LDLRAD3: variants seen among roughly 807,000 people sequenced by gnomAD.
LDLRAD3 encodes low-density lipoprotein receptor class A domain-containing protein 3.
In LDLRAD3, 20 loss-of-function variants were observed where a neutral mutation model predicts 29.4. That is an observed-to-expected ratio of 0.68 (90% CI 0.48 to 0.99). The LOEUF is 0.99. LDLRAD3 is among the 50% of genes least tolerant of loss of function. The probability of loss-of-function intolerance (pLI) is 0.00; values close to 1 mark genes in which losing one functional copy is unlikely to be tolerated. For synonymous variants in LDLRAD3, 157 were observed against 192.7 expected (o/e 0.81, Z 1.53); for missense variants, 420 against 454.3 (o/e 0.92, Z 0.69).
chr11:36,172,847 G>A (rs958235066), intron 4 of LDLRAD3, among the ~76,000 whole-genome samples: 1 of 152,160 alleles, frequency 6.6e-6, no homozygotes, highest in African/African-American at 2.4e-5. Flanking sequence ...TTCATAGAAA[G>A]ATTTAGGGAG....
intron 4 of LDLRAD3, among the ~76,000 whole-genome samples, chr11:36,203,568 A>G (rs1030007249): frequency 5.3e-5 from 8 of 152,180 alleles, no homozygotes; most frequent in African/African-American, 1.9e-4. Context: ...AATTTTGCTC[A>G]CTGGTGGTAA....
At chr11:36,169,031 T>G (rs1191257743) in intron 4 of LDLRAD3, among the ~76,000 whole-genome samples, 2 of 152,186 alleles carry the variant, frequency 1.3e-5, no homozygotes, top group African/African-American at 4.8e-5. Flanking sequence ...GTCACCCTGC[T>G]TTTTTACTCT....
intron 4 of LDLRAD3, among the ~76,000 whole-genome samples, chr11:36,144,417 G>T (rs1471722281): frequency 6.9e-6 from 1 of 145,620 alleles, no homozygotes; most frequent in Admixed American, 6.8e-5. Context: ...GAGCCTCTCT[G>T]CCTGGCTGCC....
At position 36,110,109 on chromosome 11, in the gene LDLRAD3, T is replaced by C. The variant is rs539217461; in HGVS notation, c.454+11648T>C. 3.9e-5 allele frequency: 6 copies of C among 152,332 alleles called. 1 individual carries two copies. Among genetic ancestry groups the C allele is most frequent in the African/African-American group, 1.4e-4 (6 of 41,592 alleles). The allele number at this position is 152,332 out of a possible 1,614,324, so 9.4% of individuals were successfully genotyped here. A position where few individuals can be genotyped will look rare whatever the true frequency, so the allele number is the denominator to read the frequency against. On this transcript the variant is annotated intron_variant, in intron 4 of 5. Transcript: ENST00000315571. ...TTTGTGTACAGGTGGGGTTTTCTTC[T>C]TAGTAATAGAGTGTTTGCATGACAA...
intron 1 of LDLRAD3, among the ~76,000 whole-genome samples, chr11:35,988,038 G>A (rs1851636676): frequency 6.6e-6 from 1 of 151,930 alleles, no homozygotes; most frequent in Non-Finnish European, 1.5e-5. Context: ...ATGTTTCTTG[G>A]CCACTTGTAT....
chr11:36,142,589 C>G (rs1784441318), intron 4 of LDLRAD3, among the ~76,000 whole-genome samples: 2 of 152,094 alleles, frequency 1.3e-5, no homozygotes, highest in African/African-American at 4.8e-5. Context: ...GGTTCCCGCC[C>G]CCGCCTCCTG....
chr11:36,113,337 A>T (rs76274053), intron 4 of LDLRAD3, among the ~76,000 whole-genome samples: 5,212 of 152,244 alleles, frequency 0.034, 344 homozygotes, highest in East Asian at 0.32. Flanking sequence ...TTAGGCCAAC[A>T]GGGAGCTCTC....
intron 2 of LDLRAD3, among the ~76,000 whole-genome samples, chr11:36,066,671 A>G (rs933920919): frequency 7.2e-5 from 11 of 152,214 alleles, no homozygotes; most frequent in African/African-American, 2.7e-4. Context: ...TCTTCGTAAT[A>G]AAAGTACTTT....
At chr11:36,098,067 A>G (rs1344662640) in intron 3 of LDLRAD3, among the ~76,000 whole-genome samples, 4 of 152,218 alleles carry the variant, frequency 2.6e-5, no homozygotes, top group Admixed American at 6.5e-5. Context: ...AAAGGCATCA[A>G]TATTCAGTTA....
In LDLRAD3 at chr11:36,066,160, CT is replaced by C. The variant is rs536834475; in HGVS notation, c.194-15479del. On this transcript the variant is annotated intron_variant, in intron 2 of 5. Transcript: ENST00000315571. The stretch of plus-strand genomic sequence containing the variant: ...GATTCTTACACTCTTCACTCATTTT[CT>C]TTTTTTTTTTTTTCTTACTTTTTTC... Among the ~76,000 whole-genome samples the C allele has an allele frequency of 4.6e-3, 654 of 141,072 alleles. 2 individuals carry two copies. The highest frequency in any genetic ancestry group is 0.011 in the South Asian group (47 of 4,394). The allele number at this position is 141,072 out of a possible 152,430, so 92.5% of individuals were successfully genotyped here.
intron 4 of LDLRAD3, among the ~76,000 whole-genome samples, chr11:36,201,009 G>A (rs767778899): frequency 3.9e-5 from 6 of 152,294 alleles, no homozygotes; most frequent in Non-Finnish European, 8.8e-5. Flanking sequence ...GTAACAGAGG[G>A]GGAGAAAGAA....
intron 1 of LDLRAD3, among the ~76,000 whole-genome samples, chr11:35,976,547 G>C (rs1029035505): frequency 5.3e-5 from 8 of 152,306 alleles, no homozygotes; most frequent in South Asian, 4.2e-4. Flanking sequence ...ACACAGTCAG[G>C]AAGGGGATGC....
intron 4 of LDLRAD3, among the ~76,000 whole-genome samples, chr11:36,217,924 G>A (rs1338255446): frequency 6.6e-6 from 1 of 152,118 alleles, no homozygotes; most frequent in African/African-American, 2.4e-5. Flanking sequence ...AATTCAGAAT[G>A]AGCTCATCTT....
intron 4 of LDLRAD3, among the ~76,000 whole-genome samples, chr11:36,153,670 C>T (rs1231348108): frequency 6.6e-6 from 1 of 152,136 alleles, no homozygotes; most frequent in Non-Finnish European, 1.5e-5. Flanking sequence ...ATCCCAGTGA[C>T]CCATTTCCCA....
At chr11:36,048,563 G>C (rs1329263271) in intron 2 of LDLRAD3, among the ~76,000 whole-genome samples, 1 of 152,216 alleles carries the variant, frequency 6.6e-6, no homozygotes, top group South Asian at 2.1e-4. Flanking sequence ...ATCCAATTAA[G>C]TATCTCCCAG....
chr11:36,002,916 A>G (rs1177790233), intron 1 of LDLRAD3, among the ~76,000 whole-genome samples: 3 of 152,208 alleles, frequency 2.0e-5, no homozygotes, highest in East Asian at 1.9e-4. Context: ...TTCCCGTACA[A>G]CAGTGCCCAT....
intron 1 of LDLRAD3, among the ~76,000 whole-genome samples, chr11:36,027,027 A>G (rs1170078848): frequency 4.6e-5 from 7 of 152,116 alleles, no homozygotes; most frequent in African/African-American, 1.7e-4. Flanking sequence ...CTTACATGAG[A>G]TCCAAGAACC....
chr11:36,043,681 C>T (rs77930595), intron 2 of LDLRAD3, among the ~76,000 whole-genome samples: 1,841 of 152,248 alleles, frequency 0.012, 44 homozygotes, highest in African/African-American at 0.042. Flanking sequence ...GAGGGAGGCA[C>T]CTGCAAGCCA....
intron 1 of LDLRAD3, among the ~76,000 whole-genome samples, chr11:35,968,880 A>G (rs1851375256): frequency 6.6e-6 from 1 of 152,188 alleles, no homozygotes. Context: ...GCTAACATCT[A>G]GCTGTTTCAG....
Sources: allele counts gnomAD v4.1 joint callset (sites outside exome capture counted in the v4.1 genomes callset), GRCh38; gene constraint gnomAD v4.1.1; transcripts MANE v1.5; gene names NCBI Gene and HGNC (gene_info 2026-07-23, HGNC 2026-07-21).